The following MTCL1 variants were observed in gnomAD, a reference collection of about 807,000 sequenced individuals.
MTCL1 encodes the protein microtubule crosslinking factor 1, also known as microtubule cross-linking factor 1.
In MTCL1, 79 loss-of-function variants were observed where a neutral mutation model predicts 141.4. The observed-to-expected ratio is 0.56, with a 90% confidence interval of 0.47 to 0.67. MTCL1 has a LOEUF of 0.67. Among genes scored for constraint, MTCL1 ranks in the 30% least tolerant of loss-of-function variants. The pLI is 0.00. For synonymous variants in MTCL1, 914 were observed against 875.8 expected, an observed-to-expected ratio of 1.04 and a Z score of -0.77; for missense variants, 2,177 against 2,113.9, an observed-to-expected ratio of 1.03 and a Z score of -0.59.
chr18:8,797,768 T>C (rs1004792011), intron 9 of MTCL1, among the ~76,000 whole-genome samples: 1 of 152,260 alleles, frequency 6.6e-6, no homozygotes, highest in Admixed American at 6.5e-5. Flanking sequence ...GCCTAGAAAT[T>C]GTTTTAAAGT....
chr18:8,717,844 T>A, intron 1 of MTCL1: 1 of 962,176 alleles, frequency 1.0e-6, no homozygotes, highest in Non-Finnish European at 1.2e-6. Context: ...AATAGGTGAA[T>A]GGGAAAAAAC....
At chr18:8,715,933 G>A (rs145888623), upstream of MTCL1, among the ~76,000 whole-genome samples, 20 of 152,264 alleles carry the variant, frequency 1.3e-4, 1 homozygote, top group East Asian at 3.5e-3. Flanking sequence ...CCCCTGAAGA[G>A]CCCAAACCAC....
At chr18:8,783,812 G>T (rs1264937379) in exon 6 of MTCL1, 1 of 1,613,276 alleles carries the variant, frequency 6.2e-7, no homozygotes, top group East Asian at 2.2e-5. Flanking sequence ...GGAGAACCGT[G>T]GCCTCAAGGC....
chr18:8,765,435 G>A (rs950815473), intron 4 of MTCL1, among the ~76,000 whole-genome samples: 1 of 152,204 alleles, frequency 6.6e-6, no homozygotes, highest in African/African-American at 2.4e-5. Context: ...TTGCGTGTGC[G>A]CCAGAGGCAG....
chr18:8,815,691 C>G (rs2076633071), intron 12 of MTCL1, among the ~76,000 whole-genome samples: 1 of 150,438 alleles, frequency 6.6e-6, no homozygotes, highest in Non-Finnish European at 1.5e-5. Context: ...TGAACCACAG[C>G]CTCATTTTGA....
intron 4 of MTCL1, among the ~76,000 whole-genome samples, chr18:8,722,134 TC>T (rs11311294): frequency 0.26 from 39,991 of 152,108 alleles, 5,992 homozygotes; most frequent in Admixed American, 0.4. Context: ...TTTACTTCCC[TC>T]CTGTTCCTTT....
At chr18:8,783,688 C>A in exon 6 of MTCL1, 1 of 1,610,566 alleles carries the variant, frequency 6.2e-7, no homozygotes, top group Non-Finnish European at 8.5e-7. Flanking sequence ...GTCCCCTGCC[C>A]ACGGGGGAAG....
At chr18:8,726,514 CGAGCGAGAGA>C (rs1205347070) in intron 4 of MTCL1, among the ~76,000 whole-genome samples, 20 of 130,178 alleles carry the variant, frequency 1.5e-4, no homozygotes, top group Non-Finnish European at 1.2e-4. Flanking sequence ...CGCGCAAGAG[CGAGCGAGAGA>C]GAGCGAGTGC....
chr18:8,785,430 TCCTGCCGC>T (rs533938437), intron 6 of MTCL1, among the ~76,000 whole-genome samples: 25 of 152,288 alleles, frequency 1.6e-4, no homozygotes, highest in African/African-American at 4.3e-4. Flanking sequence ...CTCTGCTGGC[TCCTGCCGC>T]CCTGCCGCCG....
Position 8,828,518 on chromosome 18 carries a change from T to A in MTCL1, c.4723-390T>A, listed in dbSNP as rs1186724377. On this transcript the variant is annotated intron_variant, in intron 15 of 16. Transcript: ENST00000359865. This position sits in a 1 kb window ranked among gnomAD's most constrained non-coding sequence, Gnocchi z 5.2. Reference sequence around the variant, plus strand: ...TGTGACCGAAACAAACGCAGCCGTATAATAGTCTCTGTTTTAGATACCAGT... The same window carrying A: ...TGTGACCGAAACAAACGCAGCCGTAAAATAGTCTCTGTTTTAGATACCAGT... Among the ~76,000 whole-genome samples, 2 of 152,228 alleles carry A rather than the reference T, an allele frequency of 1.3e-5. No homozygotes were observed. Among genetic ancestry groups the A allele is most frequent in the African/African-American group, 2.4e-5 (1 of 41,462 alleles).
chr18:8,752,119 C>T (rs1002238318), intron 4 of MTCL1, among the ~76,000 whole-genome samples: 4 of 152,042 alleles, frequency 2.6e-5, no homozygotes, highest in African/African-American at 9.7e-5. Context: ...TAGGACATCC[C>T]GATGACAGAG....
At chr18:8,734,067 A>G (rs1203666888) in intron 4 of MTCL1, among the ~76,000 whole-genome samples, 2 of 152,158 alleles carry the variant, frequency 1.3e-5, no homozygotes, top group East Asian at 1.9e-4. Context: ...TTGCTAGAGG[A>G]ATCACTTGAG....
At chr18:8,747,659 T>C (rs2096346884) in intron 4 of MTCL1, among the ~76,000 whole-genome samples, 1 of 152,194 alleles carries the variant, frequency 6.6e-6, no homozygotes, top group African/African-American at 2.4e-5. Context: ...TAAGGCCATA[T>C]TCCCCAGCAC....
At chr18:8,821,094 C>G (rs1015367644) in intron 13 of MTCL1, among the ~76,000 whole-genome samples, 1 of 152,236 alleles carries the variant, frequency 6.6e-6, no homozygotes, top group Non-Finnish European at 1.5e-5. Flanking sequence ...CTCTCTCTCT[C>G]TCTCTCAGTC....
intron 1 of MTCL1, chr18:8,707,104 T>G: frequency 1.2e-5 from 2 of 164,872 alleles, no homozygotes; most frequent in Non-Finnish European, 2.6e-5. Context: ...CAGGGAGCTC[T>G]AGCCGGGCCA....
chr18:8,707,547 C>G (rs983032247), intron 1 of MTCL1: 1 of 152,790 alleles, frequency 6.5e-6, no homozygotes, highest in African/African-American at 2.4e-5. Context: ...ACGGGGTTCC[C>G]GGGGTCAGGA....
Position 8,824,967 on chromosome 18 carries a change from T to G in MTCL1, c.3457T>G (p.Ser1153Ala), listed in dbSNP as rs201208323. The change falls in exon 15 of 17, where the codon TCC becomes GCC. Residue 1153 changes from serine to alanine, a missense_variant. By Grantham distance (99) the Ser-to-Ala change is moderately conservative. Transcript: ENST00000359865. Reference sequence around the variant, plus strand: ...GGACAGCACAGAGCCTTTCCCCGACTCCTCCTGGTACCTAACCACAAGTGT... The same window carrying G: ...GGACAGCACAGAGCCTTTCCCCGACGCCTCCTGGTACCTAACCACAAGTGT... 3.7e-6 allele frequency: 6 copies of G among 1,613,460 alleles called. No individual in the cohort carries two copies. The African/African-American group carries it at 5.3e-5, about 14-fold the overall frequency.
chr18:8,755,520 C>T (rs892007059), intron 4 of MTCL1, among the ~76,000 whole-genome samples: 2 of 152,134 alleles, frequency 1.3e-5, no homozygotes, highest in East Asian at 3.9e-4. Flanking sequence ...ACATCTCACA[C>T]GCTTCTCCTC....
exon 15 of MTCL1, chr18:8,825,939 C>G (rs377363502): frequency 1.7e-5 from 27 of 1,604,390 alleles, no homozygotes; most frequent in Non-Finnish European, 2.2e-5. Context: ...AGAGCCCCGA[C>G]CAGAGCTGGG....
Sources: gnomAD v4.1 joint callset for allele counts (sites outside exome capture counted in the v4.1 genomes callset) on GRCh38, gnomAD v4.1.1 for gene constraint, Gnocchi (gnomAD v3.1) non-coding constraint, MANE v1.5 for transcripts, NCBI Gene and HGNC (gene_info 2026-07-23, HGNC 2026-07-21) for gene names.